Variants in ATP6V1B2 observed in about 807,000 individuals in gnomAD.
The protein encoded by ATP6V1B2 is V-type proton ATPase subunit B, brain isoform.
Under a neutral mutation model 66.7 loss-of-function variants are expected in ATP6V1B2, and 23 were observed. The ratio of observed to expected loss-of-function variants is 0.34; its 90% CI spans 0.25 to 0.49. ATP6V1B2 has a LOEUF of 0.49. Among genes scored for constraint, ATP6V1B2 ranks in the 20% least tolerant of loss-of-function variants. The pLI is 0.99. For synonymous variants in ATP6V1B2, 278 were observed against 236.7 expected (o/e 1.17, Z -1.60); for missense variants, 478 against 650.8 (o/e 0.73, Z 2.89).
At position 20,197,517 on chromosome 8, in the gene ATP6V1B2, G is replaced by A. The variant is rs1441140118; in HGVS notation, c.111G>A (p.Arg37=). The change falls in exon 1 of 14, where the codon CGG becomes CGA. Residue 37 remains arginine (R), a synonymous_variant. Transcript: ENST00000276390. ...GGGAGCAGGCGCTGGCAGTCAGTCG[G>A]AACTACCTCTCCCAGCCTCGCCTCA... is the stretch of plus-strand genomic sequence containing the variant. ...GAREQALAVS[R]NYLSQPRLTY... is the part of the protein sequence containing the mutation. 1 of 1,472,176 alleles carries A rather than the reference G, an allele frequency of 6.8e-7. No homozygotes were observed. Among genetic ancestry groups the A allele is most frequent in the Non-Finnish European group, 9.0e-7 (1 of 1,108,564 alleles). 91.2% of individuals were successfully genotyped at this position (1,472,176 alleles called of 1,614,324 possible).
At chr8:20,216,910 A>G in intron 11 of ATP6V1B2, 1 of 302,094 alleles carries the variant, frequency 3.3e-6, no homozygotes. Flanking sequence ...AGTTCAGAAG[A>G]CCATTTTGAC....
chr8:20,197,442 G>C lies in ATP6V1B2; in HGVS notation c.36G>C (p.Gly12=). Residue 12 remains glycine (G), a synonymous_variant, in exon 1 of 14, where the codon GGG becomes GGC. Transcript: ENST00000276390. ...ALRAMRGIVN[G]AAPELPVPTG... ...GGGCGATGCGGGGGATTGTCAACGG[G>C]GCCGCACCCGAGCTACCCGTGCCCA... 1.3e-6 allele frequency: 2 copies of C among 1,544,290 alleles called. No individual in the cohort carries two copies. Among genetic ancestry groups the C allele is most frequent in the Non-Finnish European group, 1.7e-6 (2 of 1,146,304 alleles).
At chr8:20,217,363 G>A (rs778675063) in intron 12 of ATP6V1B2, 39 bp downstream of exon 12, 9 of 1,529,786 alleles carry the variant, frequency 5.9e-6, no homozygotes, top group Non-Finnish European at 6.3e-6. Flanking sequence ...TGAAAATATG[G>A]ATACGTTTCT....
At chr8:20,218,413 C>A in intron 13 of ATP6V1B2, 131 bp downstream of exon 13, 1 of 1,222,602 alleles carries the variant, frequency 8.2e-7, no homozygotes, top group Non-Finnish European at 1.1e-6. Context: ...GCTCTGTCAC[C>A]TGCCTGCCTT....
At chr8:20,211,808 A>T in intron 7 of ATP6V1B2, 55 bp downstream of exon 7, 3 of 1,368,992 alleles carry the variant, frequency 2.2e-6, no homozygotes, top group Non-Finnish European at 3.1e-6. Flanking sequence ...GTGTCGTGAG[A>T]ACATTGTAGT....
At chr8:20,209,750 T>G (rs2072774556) in intron 3 of ATP6V1B2, among the ~76,000 whole-genome samples, 1 of 152,192 alleles carries the variant, frequency 6.6e-6, no homozygotes, top group African/African-American at 2.4e-5. Context: ...TGGATAAAAT[T>G]AAGTAGTCAT....
In ATP6V1B2 at chr8:20,212,122, G is replaced by A. The variant is rs1386536908; in HGVS notation, c.726G>A (p.Arg242=). The A allele has an allele frequency of 4.3e-6, 7 of 1,613,526 alleles. No individual in the cohort carries two copies. Residue 242 remains arginine (R), a synonymous_variant, in exon 8 of 14, where the codon CGG becomes CGA. Coordinates refer to ENST00000276390, the MANE Select transcript of ATP6V1B2 (RefSeq NM_001693.4). ...AAMGVNMETA[R]FFKSDFEENG... ...TTTAGGTAAACATGGAAACTGCCCG[G>A]TTCTTCAAATCTGACTTTGAAGAAA...
intron 1 of ATP6V1B2, among the ~76,000 whole-genome samples, chr8:20,201,348 C>T (rs1312382386): frequency 6.6e-6 from 1 of 152,150 alleles, no homozygotes; most frequent in Non-Finnish European, 1.5e-5. Flanking sequence ...ATGTCTTTGA[C>T]AGCCATAGTT....
intron 4 of ATP6V1B2, 39 bp downstream of exon 4, chr8:20,210,478 C>A (rs765300594): frequency 2.0e-5 from 32 of 1,606,748 alleles, no homozygotes; most frequent in Middle Eastern, 3.3e-4. Context: ...AGATCTGTTT[C>A]CTTTTAAACA....
intron 1 of ATP6V1B2, chr8:20,203,856 T>C: frequency 2.6e-6 from 1 of 385,388 alleles, no homozygotes; most frequent in Non-Finnish European, 5.0e-6. Flanking sequence ...TTTCTTATCT[T>C]GTTTGACCCC....
At chr8:20,217,979 C>G (rs1452609059) in intron 12 of ATP6V1B2, among the ~76,000 whole-genome samples, 174 bp from the exon 13 acceptor site, 1 of 152,186 alleles carries the variant, frequency 6.6e-6, no homozygotes, top group African/African-American at 2.4e-5. Flanking sequence ...AGACTCCTTT[C>G]TGAGTGAGAA....
At chr8:20,203,575 A>C (rs890168641) in intron 1 of ATP6V1B2, among the ~76,000 whole-genome samples, 4 of 152,164 alleles carry the variant, frequency 2.6e-5, no homozygotes, top group African/African-American at 9.7e-5. Context: ...CCTTATAGTA[A>C]ATTTTCTTCA....
rs368067224 is a variant in ATP6V1B2 at position 20,197,420 on chromosome 8, C to A, written c.14C>A (p.Ala5Glu). The A allele has an allele frequency of 1.8e-5, 28 of 1,543,152 alleles. No individual in the cohort carries two copies. Among genetic ancestry groups the A allele is most frequent in the Middle Eastern group, 4.2e-4 (2 of 4,790 alleles). MALR[A>E]MRGIVNGAAP... Reference sequence around the variant, plus strand: ...AGAGGAGACAAGATGGCGCTGCGGGCGATGCGGGGGATTGTCAACGGGGCC... The same window carrying A: ...AGAGGAGACAAGATGGCGCTGCGGGAGATGCGGGGGATTGTCAACGGGGCC... Residue 5 changes from alanine to glutamate, a missense_variant, in exon 1 of 14, where the codon GCG (alanine) becomes GAG (glutamate). Coordinates refer to ENST00000276390, the MANE Select transcript of ATP6V1B2 (RefSeq NM_001693.4).
At chr8:20,206,969 A>T (rs535269294) in intron 2 of ATP6V1B2, among the ~76,000 whole-genome samples, 1 of 152,222 alleles carries the variant, frequency 6.6e-6, no homozygotes, top group Non-Finnish European at 1.5e-5. Context: ...TGATTAATGA[A>T]TCAGAAAACC....
At chr8:20,211,067 G>A in intron 5 of ATP6V1B2, 110 bp from the exon 6 acceptor site, 1 of 1,388,872 alleles carries the variant, frequency 7.2e-7, no homozygotes, top group Admixed American at 2.5e-5. Context: ...GCTTTATGTA[G>A]TTCTGGTCTT....
At chr8:20,212,466 C>A (rs2072804897) in intron 8 of ATP6V1B2, among the ~76,000 whole-genome samples, 1 of 152,144 alleles carries the variant, frequency 6.6e-6, no homozygotes, top group African/African-American at 2.4e-5. Flanking sequence ...TTACCTAATA[C>A]ACAATCAACT....
At chr8:20,209,045 A>G (rs1218226280) in intron 2 of ATP6V1B2, among the ~76,000 whole-genome samples, 1 of 152,090 alleles carries the variant, frequency 6.6e-6, no homozygotes, top group East Asian at 1.9e-4. Flanking sequence ...TGTCAACCAC[A>G]TCTGGAGCAC....
chr8:20,216,068 CAT>C (rs2072851341), intron 10 of ATP6V1B2: 1 of 164,906 alleles, frequency 6.1e-6, no homozygotes, highest in Non-Finnish European at 1.3e-5. Context: ...AGAGCCAACA[CAT>C]GTCTAACTGC....
intron 1 of ATP6V1B2, among the ~76,000 whole-genome samples, chr8:20,202,079 C>A (rs1243824329): frequency 6.6e-6 from 1 of 152,270 alleles, no homozygotes; most frequent in African/African-American, 2.4e-5. Flanking sequence ...GTCAGTACTG[C>A]CACATTGGGG....
Sources: allele counts gnomAD v4.1 joint callset (sites outside exome capture counted in the v4.1 genomes callset), GRCh38; gene constraint gnomAD v4.1.1; transcripts MANE v1.5; gene names NCBI Gene and HGNC (gene_info 2026-07-23, HGNC 2026-07-21).